The following ATOSA variants were observed in gnomAD, a reference collection of about 807,000 sequenced individuals.
The protein encoded by ATOSA is atos homolog A.
At chr15:52,604,480 C>G in the ATOSA span, among the ~76,000 whole-genome samples, 1 of 152,296 alleles carries the variant, frequency 6.6e-6, no homozygotes, top group East Asian at 1.9e-4. Context: ...ATTTTTAGTT[C>G]TGCTATACAA....
chr15:52,606,152 T>C, the ATOSA span, among the ~76,000 whole-genome samples: 1 of 152,054 alleles, frequency 6.6e-6, no homozygotes, highest in Admixed American at 6.6e-5. Context: ...CATATAATAT[T>C]GTAAAATATA....
At chr15:52,680,536 AT>A in the ATOSA span, among the ~76,000 whole-genome samples, 1 of 152,070 alleles carries the variant, frequency 6.6e-6, no homozygotes, top group Non-Finnish European at 1.5e-5. Context: ...TGGCAGTTCC[AT>A]TTTTTTGGCC....
At chr15:52,667,448 A>C in the ATOSA span, among the ~76,000 whole-genome samples, 1 of 152,242 alleles carries the variant, frequency 6.6e-6, no homozygotes, top group Non-Finnish European at 1.5e-5. Context: ...ACTGTATATT[A>C]GATATTAGTA....
chr15:52,613,034 G>A, the ATOSA span, among the ~76,000 whole-genome samples: 1 of 151,948 alleles, frequency 6.6e-6, no homozygotes, highest in East Asian at 1.9e-4. Context: ...TTTACCAAAT[G>A]AATAACAACA....
chr15:52,689,673 C>T, the ATOSA span, among the ~76,000 whole-genome samples: 1 of 152,212 alleles, frequency 6.6e-6, no homozygotes, highest in South Asian at 2.1e-4. Context: ...AGGCAACCCT[C>T]TATAGGCTGG....
At chr15:52,615,082 T>C in the ATOSA span, among the ~76,000 whole-genome samples, 1 of 152,212 alleles carries the variant, frequency 6.6e-6, no homozygotes, top group African/African-American at 2.4e-5. Context: ...TGAAAATTCA[T>C]AGTCATGGGG....
chr15:52,587,200 G>A, the ATOSA span: 2 of 1,613,258 alleles, frequency 1.2e-6, no homozygotes, highest in Non-Finnish European at 1.7e-6. Flanking sequence ...TTTACCAAGG[G>A]ACTCTAAAGT....
At chr15:52,693,458 A>T in the ATOSA span, among the ~76,000 whole-genome samples, 4 of 152,184 alleles carry the variant, frequency 2.6e-5, no homozygotes, top group African/African-American at 9.7e-5. Flanking sequence ...AGTTAGCAGA[A>T]CTAATAGAAT....
the ATOSA span, chr15:52,649,927 G>C: frequency 6.6e-6 from 1 of 152,104 alleles, no homozygotes; most frequent in African/African-American, 2.4e-5. Context: ...TGACACAGCA[G>C]TACACTCAAC....
the ATOSA span, chr15:52,584,917 CCA>C: frequency 6.2e-7 from 1 of 1,611,930 alleles, no homozygotes; most frequent in Admixed American, 1.7e-5. Context: ...AACATCTTCA[CCA>C]CAGTCTTATT....
chr15:52,639,674 T>C, the ATOSA span, among the ~76,000 whole-genome samples: 3 of 152,354 alleles, frequency 2.0e-5, no homozygotes, highest in South Asian at 4.1e-4. Flanking sequence ...GGATCAATCA[T>C]GCAGTTTTAA....
the ATOSA span, among the ~76,000 whole-genome samples, chr15:52,687,728 G>A: frequency 2.9e-4 from 44 of 151,516 alleles, no homozygotes; most frequent in Admixed American, 4.6e-4. Context: ...TTAGAGAGAG[G>A]TTTTTTTTTG....
At chr15:52,690,708 T>C in the ATOSA span, among the ~76,000 whole-genome samples, 1 of 152,212 alleles carries the variant, frequency 6.6e-6, no homozygotes. Context: ...TGCTAGCATT[T>C]TGCAACAGTG....
At chr15:52,610,517 G>T in the ATOSA span, 14 of 881,076 alleles carry the variant, frequency 1.6e-5, no homozygotes, top group Non-Finnish European at 2.3e-5. Flanking sequence ...TTTACTTTTA[G>T]CCACTTTACC....
the ATOSA span, among the ~76,000 whole-genome samples, chr15:52,608,120 G>A: frequency 5.9e-5 from 9 of 151,978 alleles, no homozygotes; most frequent in Non-Finnish European, 1.2e-4. Flanking sequence ...CAACTCCTGA[G>A]CTCAAGTGAT....
the ATOSA span, among the ~76,000 whole-genome samples, chr15:52,615,557 A>G: frequency 6.6e-6 from 1 of 152,220 alleles, no homozygotes; most frequent in Non-Finnish European, 1.5e-5. Context: ...ATGGGAAGAG[A>G]GAAGGTGCAA....
chr15:52,651,560 C>T, the ATOSA span, among the ~76,000 whole-genome samples: 3 of 152,204 alleles, frequency 2.0e-5, no homozygotes, highest in Non-Finnish European at 4.4e-5. Flanking sequence ...TGCACATTCT[C>T]TTCCCTGTAT....
the ATOSA span, among the ~76,000 whole-genome samples, chr15:52,692,585 C>A: frequency 1.3e-5 from 2 of 152,174 alleles, no homozygotes; most frequent in African/African-American, 4.8e-5. Context: ...AACTCCTGAG[C>A]TCAAGCCATC....
chr15:52,658,608 C>A, the ATOSA span: 4 of 395,836 alleles, frequency 1.0e-5, no homozygotes, highest in African/African-American at 6.2e-5. Flanking sequence ...ACAAAACAAA[C>A]CATCAAACAT....
Sources: gnomAD v4.1 joint callset for allele counts (sites outside exome capture counted in the v4.1 genomes callset) on GRCh38, gnomAD v4.1.1 for gene constraint, MANE v1.5 for transcripts, NCBI Gene and HGNC (gene_info 2026-07-23, HGNC 2026-07-21) for gene names.